CYRIB: variants seen among roughly 807,000 people sequenced by gnomAD.
The protein encoded by CYRIB is CYFIP-related Rac1 interactor B.
CYRIB carries 8 observed loss-of-function variants against 44.2 expected under a neutral mutation model. That is an observed-to-expected ratio of 0.18 (90% confidence interval 0.11 to 0.33). The LOEUF is 0.33. CYRIB is among the 10% of genes least tolerant of loss of function. The pLI is 1.00. For missense variants in CYRIB, 185 were observed against 382.8 expected (o/e 0.48, Z 4.31); for synonymous variants, 131 against 127.2 (o/e 1.03, Z -0.20).
intron 2 of CYRIB, among the ~76,000 whole-genome samples, chr8:129,946,858 T>G (rs1202632365): frequency 6.6e-6 from 1 of 152,194 alleles, no homozygotes; most frequent in Non-Finnish European, 1.5e-5. Flanking sequence ...TGTTCCCTTC[T>G]GTACCTCAAG....
At chr8:129,950,131 TTTTAA>T (rs758767372) in intron 2 of CYRIB, among the ~76,000 whole-genome samples, 4 of 152,102 alleles carry the variant, frequency 2.6e-5, no homozygotes, top group African/African-American at 4.8e-5. Context: ...CTTTTTTTTC[TTTTAA>T]TTTGAGAGTT....
At chr8:129,947,658 A>G (rs531632336) in intron 2 of CYRIB, among the ~76,000 whole-genome samples, 1 of 152,360 alleles carries the variant, frequency 6.6e-6, no homozygotes, top group South Asian at 2.1e-4. Flanking sequence ...TTGAAAATAC[A>G]TATGAGCAAA....
chr8:129,842,040 G>A, exon 12 of CYRIB: 1 of 782,162 alleles, frequency 1.3e-6, no homozygotes, highest in Non-Finnish European at 2.1e-6. Context: ...AGAAATAAAA[G>A]CAAGAATAAA....
At chr8:129,939,715 G>A (rs913779588) in exon 1 of CYRIB, 1 of 152,268 alleles carries the variant, frequency 6.6e-6, no homozygotes, top group Non-Finnish European at 1.5e-5. Context: ...CGGAGCGGGG[G>A]AGCGGCGGCA....
intron 2 of CYRIB, among the ~76,000 whole-genome samples, chr8:129,951,392 A>G (rs1041883263): frequency 5.3e-5 from 8 of 152,160 alleles, no homozygotes; most frequent in African/African-American, 1.9e-4. Context: ...CAAGGACAAC[A>G]TACAACTGAG....
At chr8:130,014,073 C>G (rs935166682) in intron 1 of CYRIB, among the ~76,000 whole-genome samples, 1 of 152,182 alleles carries the variant, frequency 6.6e-6, no homozygotes, top group Non-Finnish European at 1.5e-5. Context: ...TGCACTCTCT[C>G]TAAGTCTCAG....
rs199754254 is a variant in CYRIB, at chr8:129,962,248, A to AAAAG, written c.-243+8691_-243+8694dup. On this transcript the variant is annotated intron_variant, in intron 2 of 14. Transcript: ENST00000401979. The stretch of plus-strand genomic sequence containing the variant: ...AACAGAGTGAAACCCTGTTTAAAAA[A>AAAAG]AAAGAAAGAAAGAAAGAACAAAAGA... Among the ~76,000 whole-genome samples the AAAAG allele has an allele frequency of 5.8e-4, 89 of 152,188 alleles. 1 individual carries two copies. The East Asian group carries it at 0.015, about 26-fold the overall frequency.
At chr8:129,898,092 T>C (rs1406278456) in intron 2 of CYRIB, among the ~76,000 whole-genome samples, 1 of 9,584 alleles carries the variant, frequency 1.0e-4, no homozygotes, top group East Asian at 8.5e-3. Flanking sequence ...TTAAGTTTTT[T>C]TGTTTTTTTT....
intron 1 of CYRIB, among the ~76,000 whole-genome samples, chr8:129,982,387 TTTTAATTTTA>T (rs1267379432): frequency 6.6e-5 from 10 of 152,196 alleles, no homozygotes; most frequent in African/African-American, 2.2e-4. Context: ...GGAACTGAAT[TTTTAATTTTA>T]TTTAATTTTA....
At chr8:129,997,064 GGGAGGGAGGGAGGGAGGGAGGGAA>G (rs1225572196) in intron 1 of CYRIB, among the ~76,000 whole-genome samples, 1 of 140,404 alleles carries the variant, frequency 7.1e-6, no homozygotes. Context: ...GAGGGAGGGA[GGGAGGGAGGGAGGGAGGGAGGGAA>G]GGAGGGAGGG....
At chr8:129,942,137 G>A (rs954371388), upstream of CYRIB, among the ~76,000 whole-genome samples, 8 of 152,068 alleles carry the variant, frequency 5.3e-5, no homozygotes, top group African/African-American at 1.4e-4. Flanking sequence ...TTAGGAGTTC[G>A]AGACCAGCCA....
chr8:129,929,461 T>C (rs2089990511), intron 1 of CYRIB, among the ~76,000 whole-genome samples: 1 of 152,130 alleles, frequency 6.6e-6, no homozygotes, highest in African/African-American at 2.4e-5. Flanking sequence ...CTGAATAAAC[T>C]AACTAATAAT....
chr8:129,904,787 C>G (rs991110805), intron 1 of CYRIB, among the ~76,000 whole-genome samples: 1 of 152,198 alleles, frequency 6.6e-6, no homozygotes, highest in African/African-American at 2.4e-5. Flanking sequence ...CCTACTAACT[C>G]AAGGCAGAAG....
chr8:129,978,346 A>G (rs139209723), intron 1 of CYRIB, among the ~76,000 whole-genome samples: 1 of 152,300 alleles, frequency 6.6e-6, no homozygotes, highest in African/African-American at 2.4e-5. Context: ...CTATTGTGAG[A>G]TGGTTGTGGG....
At position 129,883,334 on chromosome 8, in the gene CYRIB, C is replaced by T. The variant is rs115264299; in HGVS notation, c.-10-3863G>A. ...GACAATCAAAAATGTCTCTAGATAC[C>T]GCCAAATATCTCCTGGGGGCAAAAT... On this transcript the variant is annotated intron_variant, in intron 2 of 11. Coordinates refer to ENST00000519824, the Ensembl canonical transcript of CYRIB. 3.1e-3 allele frequency among the ~76,000 whole-genome samples: 476 copies of T among 151,928 alleles called. 1 individual carries two copies. The highest frequency in any genetic ancestry group is 0.011 in the African/African-American group (454 of 41,434).
chr8:129,977,749 G>C (rs978135739), intron 1 of CYRIB, among the ~76,000 whole-genome samples: 3 of 152,028 alleles, frequency 2.0e-5, no homozygotes, highest in Admixed American at 6.5e-5. Flanking sequence ...AGCCAGGATG[G>C]TCTCGATCTC....
At chr8:129,905,249 ACT>A (rs1311136346) in intron 1 of CYRIB, among the ~76,000 whole-genome samples, 1 of 151,668 alleles carries the variant, frequency 6.6e-6, no homozygotes, top group Non-Finnish European at 1.5e-5. Context: ...ATGGAGTCTC[ACT>A]CTGTCACCCA....
At chr8:129,912,126 T>A (rs2078352400) in intron 1 of CYRIB, among the ~76,000 whole-genome samples, 1 of 152,140 alleles carries the variant, frequency 6.6e-6, no homozygotes, top group Non-Finnish European at 1.5e-5. Context: ...CTTATAACAT[T>A]TACACACATA....
intron 2 of CYRIB, among the ~76,000 whole-genome samples, chr8:129,945,415 C>T (rs1055979350): frequency 5.3e-5 from 8 of 152,172 alleles, no homozygotes; most frequent in Non-Finnish European, 1.0e-4. Context: ...GCCTCAGTTT[C>T]CCCCACAAGT....
Sources: gnomAD v4.1 joint callset for allele counts (sites outside exome capture counted in the v4.1 genomes callset) on GRCh38, gnomAD v4.1.1 for gene constraint, MANE v1.5 for transcripts, NCBI Gene and HGNC (gene_info 2026-07-23, HGNC 2026-07-21) for gene names.